SERPINF1: variants seen among roughly 807,000 people sequenced by gnomAD.
SERPINF1 encodes serpin family F member 1, also known as pigment epithelium-derived factor.
A neutral mutation model predicts 37.3 loss-of-function variants in SERPINF1; 29 were observed. The observed-to-expected ratio is 0.78, with a 90% CI of 0.58 to 1.06. The LOEUF (loss-of-function observed/expected upper bound fraction) is 1.06, where lower values mean the gene tolerates loss of function less well. Ranked by LOEUF, SERPINF1 falls within the 50% of genes least tolerant of loss-of-function variation. SERPINF1 has a pLI of 0.00. For synonymous variants in SERPINF1, 281 were observed against 227.9 expected (o/e 1.23, Z -2.10); for missense variants, 553 against 532.2 (o/e 1.04, Z -0.38).
At chr17:1,774,936 C>T in intron 5 of SERPINF1, 122 bp from the exon 6 acceptor site, 1 of 1,211,332 alleles carries the variant, frequency 8.3e-7, no homozygotes, top group Non-Finnish European at 1.2e-6. Context: ...GGCCTCAGAG[C>T]CCCTGACAGC....
Position 1,776,566 on chromosome 17 carries a change from T to G in SERPINF1, c.821T>G (p.Ile274Ser), listed in dbSNP as rs1908041057. ...CTGCCCTTGACCGGAAGCATGAGTATCATCTTCTTCCTGCCCCTGAAAGTG... is the reference window on the plus strand; with the variant it reads ...CTGCCCTTGACCGGAAGCATGAGTAGCATCTTCTTCCTGCCCCTGAAAGTG... ...AQLPLTGSMS[I>S]IFFLPLKVTQ... Residue 274 changes from isoleucine (I) to serine (S), a missense_variant, in exon 7 of 8, where the codon ATC becomes AGC. By Grantham distance (142) the Ile-to-Ser change is moderately radical. Transcript: ENST00000254722. 1.2e-6 allele frequency: 2 copies of G among 1,613,904 alleles called. No individual in the cohort carries two copies.
intron 6 of SERPINF1, 98 bp downstream of exon 6, chr17:1,775,298 G>A: frequency 7.9e-7 from 1 of 1,273,374 alleles, no homozygotes; most frequent in Non-Finnish European, 1.1e-6. Context: ...AGATCCGACA[G>A]CTGTCTACAT....
intron 5 of SERPINF1, among the ~76,000 whole-genome samples, chr17:1,774,808 G>A (rs765013573): frequency 1.3e-5 from 2 of 152,106 alleles, no homozygotes; most frequent in African/African-American, 2.4e-5. Context: ...GTACAATCTA[G>A]ACTCTAATCA....
intron 2 of SERPINF1, among the ~76,000 whole-genome samples, chr17:1,767,925 C>T (rs1049245183): frequency 1.3e-5 from 2 of 152,186 alleles, no homozygotes; most frequent in African/African-American, 4.8e-5. Context: ...TCAGTTCTGC[C>T]GGGTGCGGTG....
chr17:1,772,050 C>T lies in SERPINF1; in HGVS notation c.618C>T (p.Leu206=), dbSNP rs750574562. 1.9e-6 allele frequency: 3 copies of T among 1,613,778 alleles called. No individual in the cohort carries two copies. Among genetic ancestry groups the T allele is most frequent in the Admixed American group, 1.7e-5 (1 of 59,998 alleles). ...TKEIPDEISI[L]LLGVAHFKGQ... ...AAATTCCCGATGAGATCAGCATTCTCCTTCTCGGTGTGGCGCACTTCAAGG... is the reference window on the plus strand; with the variant it reads ...AAATTCCCGATGAGATCAGCATTCTTCTTCTCGGTGTGGCGCACTTCAAGG... Residue 206 remains leucine, a synonymous_variant, in exon 5 of 8, where the codon CTC becomes CTT. Transcript: ENST00000254722.
Position 1,770,810 on chromosome 17 carries a change from C to T in SERPINF1, c.284-219C>T, listed in dbSNP as rs1261391198. 8 of 563,760 alleles carry T rather than the reference C, an allele frequency of 1.4e-5. No individual in the cohort carries two copies. In the East Asian group the frequency reaches 2.7e-4, roughly 19 times the overall value. The allele number at this position is 563,760 out of a possible 1,614,324, so 34.9% of individuals were successfully genotyped here. A position where few individuals can be genotyped will look rare whatever the true frequency, so the allele number is the denominator to read the frequency against. ...GAGAAGTACAGGGACTGGTACCTCT[C>T]ACTCCCTCACTCCCACCTTCCAGGC... On this transcript the variant is annotated intron_variant, in intron 3 of 7. Coordinates refer to ENST00000254722, the MANE Select transcript of SERPINF1 (RefSeq NM_002615.7).
At chr17:1,762,650 G>A (rs903904824) in intron 1 of SERPINF1, among the ~76,000 whole-genome samples, 2 of 152,168 alleles carry the variant, frequency 1.3e-5, no homozygotes, top group Admixed American at 1.3e-4. Flanking sequence ...TGGCCTCGGC[G>A]CCCTGGCTGA....
chr17:1,770,791 T>A, intron 3 of SERPINF1: 3 of 514,926 alleles, frequency 5.8e-6, no homozygotes, highest in South Asian at 5.7e-5. Flanking sequence ...ATGGGAGAAG[T>A]ACAGGGACTG....
At position 1,777,375 on chromosome 17, in the gene SERPINF1, T is replaced by C; in HGVS notation, c.1186T>C (p.Phe396Leu). The C allele has an allele frequency of 2.5e-6, 4 of 1,614,096 alleles. No individual in the cohort carries two copies. Among genetic ancestry groups the C allele is most frequent in the Non-Finnish European group, 3.4e-6 (4 of 1,180,016 alleles). ...CTATCACCTTAACCAGCCTTTCATCTTCGTACTGAGGGACACAGACACAGG... is the reference window on the plus strand; with the variant it reads ...CTATCACCTTAACCAGCCTTTCATCCTCGTACTGAGGGACACAGACACAGG... The part of the protein sequence containing the change: ...LDYHLNQPFI[F>L]VLRDTDTGAL... Residue 396 changes from phenylalanine (F) to leucine (L), a missense_variant, in exon 8 of 8, where the codon TTC (phenylalanine) becomes CTC (leucine). Coordinates refer to ENST00000254722, the MANE Select transcript of SERPINF1 (RefSeq NM_002615.7).
chr17:1,764,609 A>G (rs1907261974), intron 1 of SERPINF1, among the ~76,000 whole-genome samples: 2 of 152,238 alleles, frequency 1.3e-5, no homozygotes, highest in African/African-American at 4.8e-5. Context: ...CTCAAAGGCA[A>G]TCTTCTTTCA....
intron 2 of SERPINF1, among the ~76,000 whole-genome samples, chr17:1,769,443 C>T (rs1907583223): frequency 6.7e-6 from 1 of 149,930 alleles, no homozygotes; most frequent in Non-Finnish European, 1.5e-5. Context: ...TAGGTTTCGG[C>T]TTATAGGTCA....
At chr17:1,765,140 G>C (rs1274190666) in intron 1 of SERPINF1, among the ~76,000 whole-genome samples, 1 of 134,414 alleles carries the variant, frequency 7.4e-6, no homozygotes, top group African/African-American at 2.9e-5. Context: ...CACTGCGCCT[G>C]GCCTTTTTTT....
chr17:1,775,742 C>T (rs932818827), intron 6 of SERPINF1, among the ~76,000 whole-genome samples: 15 of 152,126 alleles, frequency 9.9e-5, no homozygotes, highest in Admixed American at 9.8e-4. Context: ...CCATGTTGGT[C>T]AGGCTGGTCT....
Position 1,775,056 on chromosome 17 carries a change from A to C in SERPINF1, c.644-2A>C. On this transcript the variant is annotated splice_acceptor_variant, in intron 5 of 7. Transcript: ENST00000254722. LOFTEE classifies it high-confidence loss of function. ...CAGACTATGTCATACACTTCTTTCCAGGGCAGTGGGTAACAAAGTTTGACT... is the reference window on the plus strand; with the variant it reads ...CAGACTATGTCATACACTTCTTTCCCGGGCAGTGGGTAACAAAGTTTGACT... 1 of 1,614,048 alleles carries C rather than the reference A, an allele frequency of 6.2e-7. No individual in the cohort carries two copies. The highest frequency in any genetic ancestry group is 1.1e-5 in the South Asian group (1 of 91,074).
chr17:1,774,947 T>C, intron 5 of SERPINF1, 111 bp from the exon 6 acceptor site: 4 of 1,373,954 alleles, frequency 2.9e-6, no homozygotes, highest in Non-Finnish European at 4.1e-6. Flanking sequence ...CCCTGACAGC[T>C]AAGCTCCCTT....
chr17:1,772,934 C>T (rs966823182), intron 5 of SERPINF1, among the ~76,000 whole-genome samples: 2 of 152,194 alleles, frequency 1.3e-5, no homozygotes. Flanking sequence ...GATCCTCCCA[C>T]CTCGGCCTCC....
intron 1 of SERPINF1, among the ~76,000 whole-genome samples, chr17:1,764,138 C>T (rs751454886): frequency 2.0e-5 from 3 of 152,192 alleles, no homozygotes; most frequent in South Asian, 2.1e-4. Flanking sequence ...GCTGAGATCG[C>T]GCCACTGCAC....
At chr17:1,765,729 C>T (rs568011342) in intron 1 of SERPINF1, among the ~76,000 whole-genome samples, 2 of 152,114 alleles carry the variant, frequency 1.3e-5, no homozygotes, top group South Asian at 2.1e-4. Context: ...TGATGGCATG[C>T]GCCTGCAGTC....
At chr17:1,765,503 G>T (rs1289490421) in intron 1 of SERPINF1, among the ~76,000 whole-genome samples, 1 of 151,510 alleles carries the variant, frequency 6.6e-6, no homozygotes, top group Non-Finnish European at 1.5e-5. Flanking sequence ...TGTATTTTTA[G>T]TATAGATGGG....
Sources: gnomAD v4.1 joint callset for allele counts (sites outside exome capture counted in the v4.1 genomes callset) on GRCh38, gnomAD v4.1.1 for gene constraint, MANE v1.5 for transcripts, NCBI Gene and HGNC (gene_info 2026-07-23, HGNC 2026-07-21) for gene names.